PAFAH1B2: variants seen among roughly 807,000 people sequenced by gnomAD.
PAFAH1B2 encodes platelet activating factor acetylhydrolase 1b catalytic subunit 2.
In PAFAH1B2, 8 loss-of-function variants were observed where a neutral mutation model predicts 28.0. The observed-to-expected ratio is 0.29, with a 90% confidence interval of 0.17 to 0.52. The LOEUF (loss-of-function observed/expected upper bound fraction) is 0.52. PAFAH1B2 is among the 20% of genes least tolerant of loss of function. The probability of loss-of-function intolerance (pLI) is 0.97; values close to 1 mark genes in which losing one functional copy is unlikely to be tolerated. For synonymous variants in PAFAH1B2, 104 were observed against 103.2 expected (o/e 1.01, Z -0.05); for missense variants, 190 against 282.6 (o/e 0.67, Z 2.35).
Position 117,163,806 on chromosome 11 carries a change from A to C in PAFAH1B2, c.325A>C (p.Asn109His). The change falls in exon 5 of 6, where the codon AAT becomes CAT. Residue 109 changes from asparagine to histidine, a missense_variant. Asn to His is a moderately conservative substitution (Grantham distance 68). Transcript: ENST00000527958. ...VVWVGTNNHE[N>H]TAEEVAGGIE... ...CTGGGTAGGAACAAATAACCACGAA[A>C]ATACAGCAGAAGAAGTAGCAGGTGG... 6.2e-7 allele frequency: 1 copy of C among 1,614,122 alleles called. No individual in the cohort carries two copies. Among genetic ancestry groups the C allele is most frequent in the East Asian group, 2.2e-5 (1 of 44,882 alleles).
intron 2 of PAFAH1B2, among the ~76,000 whole-genome samples, chr11:117,156,125 CTG>C (rs1956249569): frequency 6.6e-6 from 1 of 152,184 alleles, no homozygotes; most frequent in African/African-American, 2.4e-5. Flanking sequence ...GAGTTTGAGA[CTG>C]TAGTAAGCTG....
At chr11:117,156,730 G>C (rs972820409) in intron 2 of PAFAH1B2, among the ~76,000 whole-genome samples, 8 of 152,130 alleles carry the variant, frequency 5.3e-5, no homozygotes, top group Admixed American at 4.6e-4. Context: ...GGTGTTGAAA[G>C]GTAGTTGGGG....
intron 2 of PAFAH1B2, among the ~76,000 whole-genome samples, chr11:117,152,770 A>AC (rs1956180884): frequency 4.6e-5 from 7 of 152,148 alleles, no homozygotes; most frequent in Non-Finnish European, 1.0e-4. Flanking sequence ...GCAATTAAAA[A>AC]AAAAACAAAA....
chr11:117,148,446 T>A (rs1382149606), intron 1 of PAFAH1B2, among the ~76,000 whole-genome samples: 1 of 152,234 alleles, frequency 6.6e-6, no homozygotes, highest in Non-Finnish European at 1.5e-5. Flanking sequence ...CCACCTGTCC[T>A]GTGTTGTTTA....
At chr11:117,156,515 C>T (rs1956258329) in intron 2 of PAFAH1B2, among the ~76,000 whole-genome samples, 1 of 152,062 alleles carries the variant, frequency 6.6e-6, no homozygotes, top group South Asian at 2.1e-4. Flanking sequence ...AAAGGGGTAA[C>T]AGAGGACATG....
chr11:117,145,934 G>A (rs1333991953), intron 1 of PAFAH1B2, among the ~76,000 whole-genome samples: 2 of 152,118 alleles, frequency 1.3e-5, no homozygotes, highest in Non-Finnish European at 2.9e-5. Flanking sequence ...GTGCTGTATT[G>A]TCATAGTAAG....
chr11:117,175,787 C>T, downstream of PAFAH1B2: 1 of 1,135,156 alleles, frequency 8.8e-7, no homozygotes, highest in Non-Finnish European at 1.2e-6. Flanking sequence ...ATGAGGCCAA[C>T]TTAGAGTAGT....
intron 5 of PAFAH1B2, chr11:117,164,096 C>G (rs1396736051): frequency 2.0e-6 from 1 of 489,970 alleles, no homozygotes; most frequent in South Asian, 2.7e-5. Context: ...CTTTTATCCA[C>G]GCATCCTTGT....
At chr11:117,175,869 C>G, downstream of PAFAH1B2, 1 of 1,531,320 alleles carries the variant, frequency 6.5e-7, no homozygotes. Flanking sequence ...CAAGACCAGC[C>G]TGGGCAATGT....
chr11:117,147,671 C>G (rs1956046288), intron 1 of PAFAH1B2, among the ~76,000 whole-genome samples: 1 of 152,192 alleles, frequency 6.6e-6, no homozygotes, highest in East Asian at 1.9e-4. Flanking sequence ...AAACTGAAAG[C>G]TGCTTTGTAA....
chr11:117,145,388 C>T (rs1955976860), intron 1 of PAFAH1B2, among the ~76,000 whole-genome samples: 1 of 152,146 alleles, frequency 6.6e-6, no homozygotes, highest in Non-Finnish European at 1.5e-5. Context: ...GGAAAGACCA[C>T]CCGGATCCAC....
In PAFAH1B2 at chr11:117,168,035, T is replaced by TTTC; in HGVS notation, c.*339_*341dup. The stretch of plus-strand genomic sequence containing the variant: ...AAATACTGAACAATATGAAGATTCT[T>TTTC]TTCTTGGCCTTTCTGTGGATTATGT... On this transcript the variant is annotated 3_prime_UTR_variant, in exon 6 of 6. Coordinates refer to ENST00000527958, the MANE Select transcript of PAFAH1B2 (RefSeq NM_002572.4). 9.4e-7 allele frequency: 1 copy of TTTC among 1,067,522 alleles called. No homozygotes were observed. Among genetic ancestry groups the TTTC allele is most frequent in the Non-Finnish European group, 1.1e-6 (1 of 881,058 alleles). The allele number at this position is 1,067,522 out of a possible 1,614,324, so 66.1% of individuals were successfully genotyped here. A position where few individuals can be genotyped will look rare whatever the true frequency, so the allele number is the denominator to read the frequency against.
chr11:117,177,505 A>G (rs191079120), downstream of PAFAH1B2, among the ~76,000 whole-genome samples: 4 of 152,314 alleles, frequency 2.6e-5, no homozygotes, highest in Admixed American at 1.3e-4. Context: ...ATGCATGTCT[A>G]TATGCATTTG....
chr11:117,155,634 C>G (rs901431235), intron 2 of PAFAH1B2, among the ~76,000 whole-genome samples: 3 of 151,966 alleles, frequency 2.0e-5, no homozygotes, highest in African/African-American at 7.3e-5. Flanking sequence ...GAAATATGTC[C>G]AAAATCCATA....
downstream of PAFAH1B2, among the ~76,000 whole-genome samples, chr11:117,174,164 T>TTGTGTGTGTGTGTGTGTGTG (rs55735449): frequency 4.5e-4 from 63 of 138,920 alleles, 1 homozygote; most frequent in East Asian, 1.1e-3. Flanking sequence ...TTCATGTCTT[T>TTGTGTGTGTGTGTGTGTGTG]TGTGTGTGTG....
Position 117,167,610 on chromosome 11 carries a change from G to A in PAFAH1B2, c.601G>A (p.Gly201Ser), listed in dbSNP as rs373311384. ...TGATTTTCTGCATCTGACAGGAGGGGGCTATGCAAAGATCTGCAAACCCCT... is the reference window on the plus strand; with the variant it reads ...TGATTTTCTGCATCTGACAGGAGGGAGCTATGCAAAGATCTGCAAACCCCT... ...MFDFLHLTGG[G>S]YAKICKPLHE... Residue 201 changes from glycine to serine, a missense_variant, in exon 6 of 6, where the codon GGC becomes AGC. Gly to Ser is a moderately conservative substitution (Grantham distance 56, BLOSUM62 0). Transcript: ENST00000527958. 5 of 1,611,720 alleles carry A rather than the reference G, an allele frequency of 3.1e-6. No homozygotes were observed. The highest frequency in any genetic ancestry group is 4.2e-6 in the Non-Finnish European group (5 of 1,178,406).
rs182559402 is a variant in PAFAH1B2 at position 117,169,770 on chromosome 11, A to C, written c.*2071A>C. On this transcript the variant is annotated 3_prime_UTR_variant, in exon 6 of 6. Transcript: ENST00000527958. The stretch of plus-strand genomic sequence containing the variant: ...TTTCTTAGCTGAGGTATAGTTGTAT[A>C]GCAAGAAGAATTAAGCCAGATTTTT... The C allele has an allele frequency of 7.6e-6, 8 of 1,057,028 alleles. No individual in the cohort carries two copies. Among genetic ancestry groups the C allele is most frequent in the Admixed American group, 5.4e-5 (1 of 18,480 alleles). 65.5% of individuals were successfully genotyped at this position (1,057,028 alleles called of 1,614,324 possible).
intron 5 of PAFAH1B2, among the ~76,000 whole-genome samples, chr11:117,164,828 T>A (rs1298972784): frequency 6.6e-6 from 1 of 151,752 alleles, no homozygotes; most frequent in Non-Finnish European, 1.5e-5. Context: ...AAGGTCAGGA[T>A]TTCAAGACCA....
chr11:117,175,277 C>G, downstream of PAFAH1B2: 1 of 1,077,082 alleles, frequency 9.3e-7, no homozygotes. Context: ...GCTCACAAGT[C>G]TGGCTTTGAG....
Sources: allele counts gnomAD v4.1 joint callset (sites outside exome capture counted in the v4.1 genomes callset), GRCh38; gene constraint gnomAD v4.1.1; transcripts MANE v1.5; gene names NCBI Gene and HGNC (gene_info 2026-07-23, HGNC 2026-07-21).